HTR2C: variants seen among roughly 807,000 people sequenced by gnomAD.
HTR2C encodes the protein 5-hydroxytryptamine receptor 2C.
In HTR2C, 5 loss-of-function variants were observed where a neutral mutation model predicts 21.0. The ratio of observed to expected loss-of-function variants is 0.24; its 90% CI spans 0.12 to 0.50. The LOEUF is 0.50. Among genes scored for constraint, HTR2C ranks in the 20% least tolerant of loss-of-function variants. HTR2C has a pLI of 0.98. For missense variants in HTR2C, 271 were observed against 371.2 expected, an observed-to-expected ratio of 0.73 and a Z score of 2.22; for synonymous variants, 150 against 145.3, an observed-to-expected ratio of 1.03 and a Z score of -0.23.
intron 4 of HTR2C, among the ~76,000 whole-genome samples, chrX:114,834,634 A>G (rs2070762965): frequency 9.6e-6 from 1 of 104,705 alleles, no homozygotes; most frequent in Non-Finnish European, 2.0e-5. Flanking sequence ...AATACAGCAC[A>G]CTGATGGGTC....
chrX:114,734,154 A>G (rs2069564472), intron 4 of HTR2C, among the ~76,000 whole-genome samples: 1 of 111,340 alleles, frequency 9.0e-6, no homozygotes. Context: ...AAAGCACCCA[A>G]CGAAGAATTG....
At chrX:114,614,147 C>A (rs781950877) in intron 2 of HTR2C, among the ~76,000 whole-genome samples, 1 of 110,953 alleles carries the variant, frequency 9.0e-6, no homozygotes, top group African/African-American at 3.3e-5. Flanking sequence ...TAACCACCAC[C>A]GCAGATTTAT....
At chrX:114,731,235 G>A (rs879981359) in intron 3 of HTR2C, 59 bp from the exon 4 acceptor site, 9 of 813,432 alleles carry the variant, frequency 1.1e-5, no homozygotes, top group South Asian at 7.8e-5. Flanking sequence ...CATGAGCAAC[G>A]TATTGTGTAT....
intron 2 of HTR2C, among the ~76,000 whole-genome samples, chrX:114,616,052 A>G (rs952659763): frequency 1.2e-4 from 13 of 111,494 alleles, no homozygotes; most frequent in African/African-American, 4.2e-4. Context: ...TTGTCAGGGT[A>G]TATCAGTGAC....
At chrX:114,814,837 G>T (rs868915840) in intron 4 of HTR2C, among the ~76,000 whole-genome samples, 1 of 96,481 alleles carries the variant, frequency 1.0e-5, no homozygotes, top group African/African-American at 3.8e-5. Flanking sequence ...ATATACTATA[G>T]AATATATATT....
At chrX:114,823,497 T>C (rs1556457102) in intron 4 of HTR2C, 2 of 348,427 alleles carry the variant, frequency 5.7e-6, no homozygotes. Flanking sequence ...AGGAAATCCC[T>C]ATTTCATATA....
rs2071376330 is a variant in HTR2C at position 114,906,711 on chromosome X, A to G, written c.673A>G (p.Ile225Val). The change falls in exon 6 of 6, where the codon ATA becomes GTA. Residue 225 changes from isoleucine (I) to valine (V), a missense_variant. By Grantham distance (29) the Ile-to-Val change is conservative. This residue lies in a region of HTR2C where 192 missense variants were observed against 247.2 expected (regional missense o/e 0.78). Transcript: ENST00000276198. ...VLIGSFVAFF[I>V]PLTIMVITYC... The stretch of plus-strand genomic sequence containing the variant: ...TATTGGGTCCTTCGTAGCTTTCTTC[A>G]TACCGCTGACGATTATGGTGATTAC... 2.5e-6 allele frequency: 3 copies of G among 1,211,393 alleles called. No homozygotes were observed. Among genetic ancestry groups the G allele is most frequent in the Non-Finnish European group, 3.4e-6 (3 of 895,320 alleles).
chrX:114,840,629 A>T (rs2070825575), intron 4 of HTR2C, among the ~76,000 whole-genome samples: 1 of 111,444 alleles, frequency 9.0e-6, no homozygotes, highest in Non-Finnish European at 1.9e-5. Context: ...AGGACTGAAA[A>T]ATTTTCAAAT....
At chrX:114,876,422 C>CTTTTTTTTTTTTTTTTTTTTTTTTTTTT (rs60498146) in intron 5 of HTR2C, among the ~76,000 whole-genome samples, 3 of 62,395 alleles carry the variant, frequency 4.8e-5, no homozygotes, top group Non-Finnish European at 2.8e-5. Flanking sequence ...CTTTTTCTTT[C>CTTTTTTTTTTTTTTTTTTTTTTTTTTTT]TTTTTTTTTT....
At chrX:114,649,458 A>G (rs1569481265) in intron 2 of HTR2C, among the ~76,000 whole-genome samples, 3 of 112,282 alleles carry the variant, frequency 2.7e-5, no homozygotes, top group Non-Finnish European at 5.6e-5. Context: ...CTGTTAATGC[A>G]GTTTTCTCTG....
At chrX:114,881,550 T>C (rs1295823727) in intron 5 of HTR2C, among the ~76,000 whole-genome samples, 3 of 109,446 alleles carry the variant, frequency 2.7e-5, no homozygotes, top group Non-Finnish European at 5.8e-5. Context: ...TTTTATTGTT[T>C]AGCATGTTGG....
intron 4 of HTR2C, among the ~76,000 whole-genome samples, chrX:114,836,392 G>A (rs887077528): frequency 8.9e-6 from 1 of 112,822 alleles, no homozygotes; most frequent in Non-Finnish European, 1.9e-5. Flanking sequence ...AACCAGGTGC[G>A]GGATATAATC....
intron 2 of HTR2C, among the ~76,000 whole-genome samples, chrX:114,688,487 G>A (rs1011288958): frequency 3.2e-4 from 36 of 111,050 alleles, no homozygotes; most frequent in African/African-American, 1.2e-3. Context: ...TTTAAAAATC[G>A]TCTTATAATT....
intron 5 of HTR2C, among the ~76,000 whole-genome samples, chrX:114,856,105 A>T (rs1357757205): frequency 4.6e-5 from 5 of 109,691 alleles, no homozygotes; most frequent in African/African-American, 1.7e-4. Context: ...CCTTAAGCTG[A>T]TAAGCAACTT....
intron 2 of HTR2C, among the ~76,000 whole-genome samples, chrX:114,664,614 C>T (rs1444073688): frequency 8.9e-6 from 1 of 112,124 alleles, no homozygotes; most frequent in Non-Finnish European, 1.9e-5. Flanking sequence ...TTTATCTAGT[C>T]TATCATTGAC....
At chrX:114,731,851 T>A (rs2069540690) in intron 4 of HTR2C, among the ~76,000 whole-genome samples, 2 of 111,702 alleles carry the variant, frequency 1.8e-5, no homozygotes, top group Non-Finnish European at 1.9e-5. Context: ...GCTTAGTGTC[T>A]TTGTAAACAA....
Position 114,786,613 on chromosome X carries a change from T to C in HTR2C, c.349+55006T>C, listed in dbSNP as rs1010385495. Among the ~76,000 whole-genome samples the C allele has an allele frequency of 3.6e-5, 4 of 111,654 alleles. No homozygotes were observed. In the East Asian group the frequency reaches 8.5e-4, roughly 24 times the overall value. On this transcript the variant is annotated intron_variant, in intron 4 of 5. Coordinates refer to ENST00000276198, the MANE Select transcript of HTR2C (RefSeq NM_000868.4). ...AACACCAAACCTTTAGCTATTATAT[T>C]ACACTCTGCTGCCTCTCATGAATTT...
intron 2 of HTR2C, among the ~76,000 whole-genome samples, chrX:114,614,407 A>G (rs6655302): frequency 0.032 from 3,509 of 109,988 alleles, 153 homozygotes; most frequent in African/African-American, 0.11. Context: ...TTACAGGTGC[A>G]TGCCACCACA....
At position 114,703,549 on chromosome X, in the gene HTR2C, G is replaced by A. The variant is rs1295390296; in HGVS notation, c.-79-23309G>A. Among the ~76,000 whole-genome samples, 5 of 111,654 alleles carry A rather than the reference G, an allele frequency of 4.5e-5. No homozygotes were observed. The South Asian group carries it at 1.9e-3, about 42-fold the overall frequency. ...CACAACATACCAGAATCTCTGGGAC[G>A]CTTTCAAAGCAGTGAGTAGAAGGAA... On this transcript the variant is annotated intron_variant, in intron 2 of 5. Transcript: ENST00000276198.
Sources: gnomAD v4.1 joint callset for allele counts (sites outside exome capture counted in the v4.1 genomes callset) on GRCh38, gnomAD v4.1.1 for gene constraint, gnomAD v4.1.1 regional missense constraint, MANE v1.5 for transcripts, NCBI Gene and HGNC (gene_info 2026-07-23, HGNC 2026-07-21) for gene names.